PLS1: variants seen among roughly 807,000 people sequenced by gnomAD.
PLS1 encodes plastin-1.
Under a neutral mutation model 73.7 loss-of-function variants are expected in PLS1, and 32 were observed. That is an observed-to-expected ratio of 0.43 (90% confidence interval 0.33 to 0.58). PLS1 has a LOEUF of 0.58. PLS1 is among the 20% of genes least tolerant of loss of function. The pLI is 0.04. For synonymous variants in PLS1, 217 were observed against 261.3 expected (o/e 0.83, Z 1.63); for missense variants, 633 against 740.5 (o/e 0.85, Z 1.68).
chr3:142,638,712 C>CATTTT (rs67652440), intron 1 of PLS1, among the ~76,000 whole-genome samples: 1,744 of 149,522 alleles, frequency 0.012, 20 homozygotes, highest in Middle Eastern at 0.02. Flanking sequence ...CACTTATCTT[C>CATTTT]ATTTTATTTT....
At chr3:142,650,063 A>G (rs937325768) in intron 1 of PLS1, among the ~76,000 whole-genome samples, 1 of 151,786 alleles carries the variant, frequency 6.6e-6, no homozygotes, top group Non-Finnish European at 1.5e-5. Flanking sequence ...CCCAGTTTAA[A>G]TGGCTTTTAA....
At chr3:142,665,271 GAT>G (rs959042643) in intron 2 of PLS1, among the ~76,000 whole-genome samples, 1 of 108,510 alleles carries the variant, frequency 9.2e-6, no homozygotes, top group African/African-American at 3.4e-5. Context: ...AAAGAAAAAC[GAT>G]ATGTTTAAAA....
chr3:142,636,247 T>C (rs926253492), intron 1 of PLS1, among the ~76,000 whole-genome samples: 23 of 152,142 alleles, frequency 1.5e-4, no homozygotes, highest in African/African-American at 5.3e-4. Context: ...TGCATAAAGA[T>C]AGACATGTGA....
chr3:142,641,104 G>A, intron 1 of PLS1, among the ~76,000 whole-genome samples: 1 of 149,774 alleles, frequency 6.7e-6, no homozygotes. Context: ...AAGTTGCAAT[G>A]AGCTAATGAT....
chr3:142,674,212 A>G (rs548857135), intron 4 of PLS1, among the ~76,000 whole-genome samples: 4 of 152,286 alleles, frequency 2.6e-5, no homozygotes, highest in South Asian at 4.1e-4. Flanking sequence ...AAATTCCTCA[A>G]TGGCAGATAC....
chr3:142,665,445 A>T (rs957904437), intron 2 of PLS1, among the ~76,000 whole-genome samples: 38 of 152,154 alleles, frequency 2.5e-4, no homozygotes, highest in Admixed American at 3.9e-4. Flanking sequence ...AGAGCATTGT[A>T]TGAATATGGT....
chr3:142,675,731 A>T (rs2037709033), intron 4 of PLS1, among the ~76,000 whole-genome samples: 1 of 151,206 alleles, frequency 6.6e-6, no homozygotes, highest in Non-Finnish European at 1.5e-5. Context: ...GCTAAAGTGC[A>T]GTGGCAGGAT....
chr3:142,711,922 CTGA>C lies in PLS1; in HGVS notation c.1809_1811del (p.Asp604del). 1 of 1,613,344 alleles carries C rather than the reference CTGA, an allele frequency of 6.2e-7. No individual in the cohort carries two copies. Among genetic ancestry groups the C allele is most frequent in the Non-Finnish European group, 8.5e-7 (1 of 1,179,348 alleles). On this transcript the variant is annotated inframe_deletion, in exon 16 of 16. Coordinates refer to ENST00000457734, the MANE Select transcript of PLS1 (RefSeq NM_001145319.2). ...ATCGGTGCCCGGATATATGCATTAC[CTGA>C]TGACCTCGTAGAAGTGAAACCAAAG...
intron 3 of PLS1, among the ~76,000 whole-genome samples, chr3:142,670,747 A>T (rs1455341581): frequency 6.6e-6 from 1 of 152,216 alleles, no homozygotes; most frequent in Non-Finnish European, 1.5e-5. Context: ...AGCCAAGAAG[A>T]ATAATTTCAG....
At chr3:142,616,244 TG>T (rs1204898243) in intron 1 of PLS1, among the ~76,000 whole-genome samples, 3 of 152,118 alleles carry the variant, frequency 2.0e-5, no homozygotes, top group South Asian at 2.1e-4. Context: ...GAGGAAAAAA[TG>T]CAAGAGCAAA....
chr3:142,685,236 C>A (rs2037939598), intron 8 of PLS1, among the ~76,000 whole-genome samples: 1 of 152,168 alleles, frequency 6.6e-6, no homozygotes, highest in African/African-American at 2.4e-5. Flanking sequence ...TCTGAAAATT[C>A]AGCTAATCAA....
At chr3:142,705,558 G>GTACA (rs1356684841) in intron 14 of PLS1, among the ~76,000 whole-genome samples, 3 of 152,184 alleles carry the variant, frequency 2.0e-5, no homozygotes, top group African/African-American at 7.2e-5. Flanking sequence ...TTCATTCAGT[G>GTACA]AGCCTTGTGT....
chr3:142,711,115 G>GA (rs1933108557), intron 14 of PLS1, among the ~76,000 whole-genome samples: 1 of 152,032 alleles, frequency 6.6e-6, no homozygotes, highest in Admixed American at 6.5e-5. Context: ...TTTTCTTTCT[G>GA]AAAAATATTA....
chr3:142,599,599 G>A lies in PLS1; in HGVS notation c.-37+3090G>A, dbSNP rs538777345. 1.1e-3 allele frequency among the ~76,000 whole-genome samples: 171 copies of A among 152,202 alleles called. 1 individual carries two copies. Among genetic ancestry groups the A allele is most frequent in the Non-Finnish European group, 1.5e-3 (100 of 67,994 alleles). ...CCGCCTCGGCCTCCCAAAGTGCTGG[G>A]ATTACAGGCGTGAGCCACCGCGCCC... On this transcript the variant is annotated intron_variant, in intron 1 of 15. Transcript: ENST00000457734.
At chr3:142,614,402 G>C (rs1023861676) in intron 1 of PLS1, among the ~76,000 whole-genome samples, 4 of 152,102 alleles carry the variant, frequency 2.6e-5, no homozygotes, top group African/African-American at 9.7e-5. Context: ...AGGATGGCAG[G>C]GAATCACAAG....
At chr3:142,610,114 C>G (rs1177898705) in intron 1 of PLS1, among the ~76,000 whole-genome samples, 1 of 152,350 alleles carries the variant, frequency 6.6e-6, no homozygotes, top group East Asian at 1.9e-4. Flanking sequence ...GTTGATCCAT[C>G]CGCCTCGGCC....
At position 142,712,030 on chromosome 3, in the gene PLS1, A is replaced by C; in HGVS notation, c.*23A>C. On this transcript the variant is annotated 3_prime_UTR_variant, in exon 16 of 16. Coordinates refer to ENST00000457734, the MANE Select transcript of PLS1 (RefSeq NM_001145319.2). ...TAATCATTTCATATGATTTTCTGCC[A>C]CATTAAACATATTGTATGCCTCACA... is the stretch of plus-strand genomic sequence containing the variant. 1 of 1,605,436 alleles carries C rather than the reference A, an allele frequency of 6.2e-7. No homozygotes were observed. The highest frequency in any genetic ancestry group is 2.2e-5 in the East Asian group (1 of 44,784).
rs184378130 is a variant in PLS1 at position 142,602,403 on chromosome 3, T to C, written c.-37+5894T>C. Among the ~76,000 whole-genome samples the C allele has an allele frequency of 1.0e-3, 158 of 152,222 alleles. 1 individual carries two copies. Among genetic ancestry groups the C allele is most frequent in the African/African-American group, 3.6e-3 (150 of 41,528 alleles). On this transcript the variant is annotated intron_variant, in intron 1 of 15. Transcript: ENST00000457734. Reference sequence around the variant, plus strand: ...GGTGTCAGGATCCACTGCTGGAAGCTCCTGGAATATCTATGGATCATGACT... The same window carrying C: ...GGTGTCAGGATCCACTGCTGGAAGCCCCTGGAATATCTATGGATCATGACT...
At chr3:142,669,114 A>G (rs1223629866) in intron 2 of PLS1, among the ~76,000 whole-genome samples, 1 of 152,146 alleles carries the variant, frequency 6.6e-6, no homozygotes, top group East Asian at 1.9e-4. Context: ...TGGTGCGATC[A>G]TAGCTCACTA....
Sources: allele counts gnomAD v4.1 joint callset (sites outside exome capture counted in the v4.1 genomes callset), GRCh38; gene constraint gnomAD v4.1.1; transcripts MANE v1.5; gene names NCBI Gene and HGNC (gene_info 2026-07-23, HGNC 2026-07-21).